EFCAB11: variants seen among roughly 807,000 people sequenced by gnomAD.
The protein encoded by EFCAB11 is EF-hand calcium binding domain 11.
A neutral mutation model predicts 23.0 loss-of-function variants in EFCAB11; 14 were observed. That is an observed-to-expected ratio of 0.61 (90% CI 0.40 to 0.95). EFCAB11 has a LOEUF of 0.95. Ranked by LOEUF, EFCAB11 falls within the 40% of genes least tolerant of loss-of-function variation. The pLI, the probability that EFCAB11 is intolerant of heterozygous loss-of-function variation, is 0.00. For missense variants in EFCAB11, 198 were observed against 195.8 expected, an observed-to-expected ratio of 1.01 and a Z score of -0.07; for synonymous variants, 65 against 66.6, an observed-to-expected ratio of 0.98 and a Z score of 0.11.
At chr14:89,819,551 C>A (rs1414636066) in intron 5 of EFCAB11, among the ~76,000 whole-genome samples, 1 of 152,040 alleles carries the variant, frequency 6.6e-6, no homozygotes, top group Non-Finnish European at 1.5e-5. Flanking sequence ...TCCAGAGTAG[C>A]TGGGACTACA....
In EFCAB11 at chr14:89,833,710, A is replaced by T. The variant is rs550845766; in HGVS notation, c.411-36386T>A. On this transcript the variant is annotated intron_variant, in intron 5 of 5. Transcript: ENST00000316738. ...TTAATCAAATTTATCCAGGGAAAAA[A>T]TTTTGAAAATGTTCTTTTCAATAAT... Among the ~76,000 whole-genome samples the T allele has an allele frequency of 1.1e-4, 17 of 152,326 alleles. No individual in the cohort carries two copies. The South Asian group carries it at 3.3e-3, about 30-fold the overall frequency.
intron 5 of EFCAB11, among the ~76,000 whole-genome samples, chr14:89,879,908 G>T (rs1888550476): frequency 6.6e-6 from 1 of 152,130 alleles, no homozygotes; most frequent in South Asian, 2.1e-4. Flanking sequence ...AAAACTTTTA[G>T]CAAAATTCAT....
chr14:89,821,950 G>A (rs1886533061), intron 5 of EFCAB11, among the ~76,000 whole-genome samples: 1 of 152,188 alleles, frequency 6.6e-6, no homozygotes, highest in Admixed American at 6.5e-5. Context: ...TCATCCAGGT[G>A]TAAACTACAA....
At chr14:89,831,930 GC>G (rs1886899397) in intron 5 of EFCAB11, among the ~76,000 whole-genome samples, 1 of 152,272 alleles carries the variant, frequency 6.6e-6, no homozygotes, top group Admixed American at 6.5e-5. Flanking sequence ...AAGATATGGA[GC>G]GGGTGGTGGT....
intron 5 of EFCAB11, among the ~76,000 whole-genome samples, chr14:89,846,964 A>G (rs1274995300): frequency 1.3e-5 from 2 of 152,122 alleles, no homozygotes; most frequent in East Asian, 3.9e-4. Context: ...CTTCACTTCT[A>G]CTATTTCTGC....
At chr14:89,898,654 C>T (rs939208161) in intron 5 of EFCAB11, among the ~76,000 whole-genome samples, 2 of 146,910 alleles carry the variant, frequency 1.4e-5, no homozygotes, top group African/African-American at 2.5e-5. Context: ...TGTGAGCCAC[C>T]GCGCCTGGCC....
chr14:89,931,778 T>C, intron 4 of EFCAB11, 147 bp from the exon 5 acceptor site: 1 of 665,314 alleles, frequency 1.5e-6, no homozygotes, highest in East Asian at 2.7e-5. Context: ...TAAGGTAATC[T>C]GAGATTGTCT....
intron 5 of EFCAB11, among the ~76,000 whole-genome samples, chr14:89,843,971 T>C (rs879739305): frequency 6.6e-6 from 1 of 152,236 alleles, no homozygotes; most frequent in Non-Finnish European, 1.5e-5. Flanking sequence ...ATACTGTCAG[T>C]TGTTTTCCTT....
At chr14:89,926,633 C>A (rs1397673044) in intron 5 of EFCAB11, among the ~76,000 whole-genome samples, 2 of 151,992 alleles carry the variant, frequency 1.3e-5, no homozygotes. Flanking sequence ...GCAAAGCAAG[C>A]AATTAAAATA....
At chr14:89,824,379 G>A (rs1305984903) in intron 5 of EFCAB11, among the ~76,000 whole-genome samples, 1 of 152,006 alleles carries the variant, frequency 6.6e-6, no homozygotes, top group Non-Finnish European at 1.5e-5. Context: ...ATTTAAGGAA[G>A]TTCCTTAGGC....
chr14:89,951,570 T>C (rs953944409), intron 2 of EFCAB11, among the ~76,000 whole-genome samples: 1 of 152,156 alleles, frequency 6.6e-6, no homozygotes, highest in East Asian at 1.9e-4. Context: ...TTTATATCAC[T>C]AGCAACTAGC....
intron 5 of EFCAB11, among the ~76,000 whole-genome samples, chr14:89,870,553 A>G (rs1374942722): frequency 6.6e-6 from 1 of 152,186 alleles, no homozygotes; most frequent in African/African-American, 2.4e-5. Context: ...AAAAGAACAT[A>G]TGTGACTAAT....
intron 5 of EFCAB11, among the ~76,000 whole-genome samples, chr14:89,875,494 A>G (rs1286939): frequency 0.98 from 149,821 of 152,278 alleles, 73,809 homozygotes; most frequent in Middle Eastern, 1. Context: ...AAAAATGGAG[A>G]CAGATATGGG....
intron 3 of EFCAB11, among the ~76,000 whole-genome samples, chr14:89,948,855 G>A (rs12433459): frequency 1.3e-5 from 2 of 151,522 alleles, no homozygotes; most frequent in East Asian, 3.9e-4. Flanking sequence ...AGGATGTTGG[G>A]GAGAGTTATG....
In EFCAB11 at chr14:89,888,149, C is replaced by T. The variant is rs564556526; in HGVS notation, c.410+43392G>A. Among the ~76,000 whole-genome samples, 152 of 152,296 alleles carry T rather than the reference C, an allele frequency of 1.0e-3. 1 individual carries two copies. The highest frequency in any genetic ancestry group is 4.1e-3 in the South Asian group (20 of 4,826). ...TGAATATTTGTGCCTGCCCCAAATG[C>T]ATATGTTAAAACCTAATCACCAATG... On this transcript the variant is annotated intron_variant, in intron 5 of 5. Coordinates refer to ENST00000316738, the MANE Select transcript of EFCAB11 (RefSeq NM_145231.4).
intron 5 of EFCAB11, among the ~76,000 whole-genome samples, chr14:89,893,760 A>G (rs1476361189): frequency 6.7e-6 from 1 of 149,336 alleles, no homozygotes; most frequent in East Asian, 2.0e-4. Context: ...CCTAATAAAC[A>G]TCTGCACACT....
chr14:89,951,954 A>C (rs1481291896), intron 2 of EFCAB11, among the ~76,000 whole-genome samples: 1 of 152,128 alleles, frequency 6.6e-6, no homozygotes, highest in Non-Finnish European at 1.5e-5. Context: ...TTATGTAAAA[A>C]ACTGCATGAA....
In EFCAB11 at chr14:89,797,162, A is replaced by C. The variant is rs1335636415; in HGVS notation, c.*81T>G. 2.2e-6 allele frequency: 3 copies of C among 1,335,422 alleles called. No homozygotes were observed. Among genetic ancestry groups the C allele is most frequent in the Non-Finnish European group, 2.1e-6 (2 of 954,748 alleles). The allele number at this position is 1,335,422 out of a possible 1,614,324, so 82.7% of individuals were successfully genotyped here. A position where few individuals can be genotyped will look rare whatever the true frequency, so the allele number is the denominator to read the frequency against. On this transcript the variant is annotated 3_prime_UTR_variant, in exon 6 of 6. Transcript: ENST00000316738. ...AAATGTTTAATCACAAGTCTGTAGC[A>C]TGACATCATTAGTAGAGTCGAGTCT...
chr14:89,919,084 T>A (rs116548690), intron 5 of EFCAB11, among the ~76,000 whole-genome samples: 1 of 151,882 alleles, frequency 6.6e-6, no homozygotes, highest in African/African-American at 2.4e-5. Context: ...TACTGTGACA[T>A]GGTCCCATTC....
Sources: gnomAD v4.1 joint callset for allele counts (sites outside exome capture counted in the v4.1 genomes callset) on GRCh38, gnomAD v4.1.1 for gene constraint, MANE v1.5 for transcripts, NCBI Gene and HGNC (gene_info 2026-07-23, HGNC 2026-07-21) for gene names.